The following GALNT14 variants were observed in gnomAD, a reference collection of about 807,000 sequenced individuals.
GALNT14 encodes the protein UDP-GalNAc:polypeptide N-acetylgalactosaminyltransferase 14.
In GALNT14, 60 loss-of-function variants were observed where a neutral mutation model predicts 77.5. The ratio of observed to expected loss-of-function variants is 0.77; its 90% CI spans 0.63 to 0.96. GALNT14 has a LOEUF of 0.96. Among genes scored for constraint, GALNT14 ranks in the 40% least tolerant of loss-of-function variants. The pLI is 0.00. For missense variants in GALNT14, 710 were observed against 731.0 expected (o/e 0.97, Z 0.33); for synonymous variants, 280 against 281.7 (o/e 0.99, Z 0.06).
chr2:31,015,142 G>A (rs1040370490), intron 1 of GALNT14, among the ~76,000 whole-genome samples: 4 of 151,792 alleles, frequency 2.6e-5, no homozygotes, highest in Admixed American at 6.6e-5. Flanking sequence ...ATACAAAAAC[G>A]TTAGCTGGGC....
the GALNT14 span, among the ~76,000 whole-genome samples, chr2:30,901,135 G>A: frequency 7.2e-5 from 11 of 152,282 alleles, no homozygotes; most frequent in Middle Eastern, 3.4e-3. Context: ...CCCCGGCAGA[G>A]GCAAAGGCAA....
intron 9 of GALNT14, among the ~76,000 whole-genome samples, chr2:30,935,250 C>T (rs1352651679): frequency 3.9e-5 from 6 of 152,274 alleles, no homozygotes; most frequent in South Asian, 2.1e-4. Context: ...TCTCCAACTC[C>T]GAAATTCATG....
In GALNT14 at chr2:31,112,141, G is replaced by A. The variant is rs184376902; in HGVS notation, c.129+25817C>T. On this transcript the variant is annotated intron_variant, in intron 1 of 14. Transcript: ENST00000349752. ...TGGTCACAGCTGTCTTTCTGCTCCTGCCCATGCAGCAGAAGTGTCTTCCAA... is the reference window on the plus strand; with the variant it reads ...TGGTCACAGCTGTCTTTCTGCTCCTACCCATGCAGCAGAAGTGTCTTCCAA... Among the ~76,000 whole-genome samples, 5 of 152,232 alleles carry A rather than the reference G, an allele frequency of 3.3e-5. No individual in the cohort carries two copies. In the East Asian group the frequency reaches 7.7e-4, roughly 24 times the overall value.
chr2:31,059,712 A>G (rs1674468813), intron 1 of GALNT14, among the ~76,000 whole-genome samples: 1 of 152,170 alleles, frequency 6.6e-6, no homozygotes, highest in Non-Finnish European at 1.5e-5. Context: ...ATTTAAAAAA[A>G]TTAAAAATAA....
At chr2:30,973,875 T>C (rs1460700510) in intron 2 of GALNT14, among the ~76,000 whole-genome samples, 2 of 152,240 alleles carry the variant, frequency 1.3e-5, no homozygotes, top group South Asian at 4.1e-4. Context: ...TGAGATTCGC[T>C]ATTCCATTAT....
chr2:31,000,097 A>G (rs1670274398), intron 1 of GALNT14, among the ~76,000 whole-genome samples: 1 of 152,168 alleles, frequency 6.6e-6, no homozygotes, highest in Admixed American at 6.5e-5. Flanking sequence ...CTAGGTAGTA[A>G]GCACACACTA....
chr2:30,901,672 T>C, the GALNT14 span, among the ~76,000 whole-genome samples: 5 of 152,116 alleles, frequency 3.3e-5, no homozygotes, highest in African/African-American at 1.2e-4. Context: ...TGTGTATGTA[T>C]ATATGTGTGT....
At position 31,049,333 on chromosome 2, in the gene GALNT14, G is replaced by C. The variant is rs114311602; in HGVS notation, c.130-56326C>G. ...ATTTTTGCTCAAGACTACCCAGAAAGAAGACCCGAGGCTCCTCAGCCATCT... is the reference window on the plus strand; with the variant it reads ...ATTTTTGCTCAAGACTACCCAGAAACAAGACCCGAGGCTCCTCAGCCATCT... On this transcript the variant is annotated intron_variant, in intron 1 of 14. Coordinates refer to ENST00000349752, the MANE Select transcript of GALNT14 (RefSeq NM_024572.4). 6.1e-3 allele frequency among the ~76,000 whole-genome samples: 924 copies of C among 152,296 alleles called. 9 individuals carry two copies. Among genetic ancestry groups the C allele is most frequent in the African/African-American group, 0.021 (867 of 41,566 alleles).
At chr2:31,088,655 G>C (rs998841348) in intron 1 of GALNT14, among the ~76,000 whole-genome samples, 5 of 152,204 alleles carry the variant, frequency 3.3e-5, no homozygotes, top group Non-Finnish European at 2.9e-5. Flanking sequence ...GTGGTTATTG[G>C]TTGTGCAGAA....
chr2:31,137,758 T>C (rs1451926978), intron 1 of GALNT14, among the ~76,000 whole-genome samples, 200 bp downstream of exon 1: 3 of 152,142 alleles, frequency 2.0e-5, no homozygotes, highest in Non-Finnish European at 2.9e-5. Context: ...CTGCCACTCA[T>C]GCACACCGCG....
rs577038449 is a variant in GALNT14 at position 30,921,459 on chromosome 2, C to A, written c.1380+2660G>T. Among the ~76,000 whole-genome samples the A allele has an allele frequency of 4.6e-5, 7 of 152,336 alleles. No homozygotes were observed. The South Asian group carries it at 1.5e-3, about 32-fold the overall frequency. On this transcript the variant is annotated intron_variant, in intron 13 of 14. Coordinates refer to ENST00000349752, the MANE Select transcript of GALNT14 (RefSeq NM_024572.4). Reference sequence around the variant, plus strand: ...CACGCCTTAAGCAAAATCAACACCTCAATTTCCTTTCCCTTTTCCTGTCTG... The same window carrying A: ...CACGCCTTAAGCAAAATCAACACCTAAATTTCCTTTCCCTTTTCCTGTCTG...
intron 1 of GALNT14, among the ~76,000 whole-genome samples, chr2:31,079,955 C>A (rs1676054820): frequency 6.6e-6 from 1 of 152,214 alleles, no homozygotes; most frequent in Admixed American, 6.5e-5. Context: ...AGCAGTCCTG[C>A]ATTTAGCCAG....
the GALNT14 span, among the ~76,000 whole-genome samples, chr2:30,904,632 G>C: frequency 6.6e-6 from 1 of 152,360 alleles, no homozygotes; most frequent in Non-Finnish European, 1.5e-5. Flanking sequence ...CGAGGCTGGG[G>C]GAGGGGCGCC....
chr2:31,124,470 G>A (rs183223187), intron 1 of GALNT14, among the ~76,000 whole-genome samples: 123 of 152,278 alleles, frequency 8.1e-4, no homozygotes, highest in African/African-American at 2.8e-3. Flanking sequence ...CCCTGATCAT[G>A]TCACCCTTGT....
chr2:31,049,711 G>C (rs931389127), intron 1 of GALNT14, among the ~76,000 whole-genome samples: 1 of 152,184 alleles, frequency 6.6e-6, no homozygotes, highest in Non-Finnish European at 1.5e-5. Flanking sequence ...GGAAGGAGGG[G>C]ACCCAACCAC....
chr2:31,114,795 G>T, intron 1 of GALNT14: 2 of 717,572 alleles, frequency 2.8e-6, no homozygotes, highest in Non-Finnish European at 5.2e-6. Context: ...TCTTGCAAGA[G>T]ACATGGGAAA....
At chr2:31,015,304 A>T (rs1190739126) in intron 1 of GALNT14, among the ~76,000 whole-genome samples, 1 of 151,696 alleles carries the variant, frequency 6.6e-6, no homozygotes, top group African/African-American at 2.4e-5. Flanking sequence ...AAGGAAAAAA[A>T]AAAAAAAAAA....
intron 9 of GALNT14, 102 bp downstream of exon 9, chr2:30,942,097 ACT>A (rs1222181890): frequency 5.5e-6 from 4 of 728,802 alleles, no homozygotes; most frequent in African/African-American, 1.8e-5. Flanking sequence ...AGCACGTGTC[ACT>A]CTCTGACAGC....
intron 1 of GALNT14, among the ~76,000 whole-genome samples, chr2:31,050,781 T>G (rs571550794): frequency 3.0e-4 from 46 of 151,896 alleles, no homozygotes; most frequent in Admixed American, 2.0e-3. Context: ...TTTGTTTTTT[T>G]TTTTTTTTCA....
Sources: gnomAD v4.1 joint callset for allele counts (sites outside exome capture counted in the v4.1 genomes callset) on GRCh38, gnomAD v4.1.1 for gene constraint, MANE v1.5 for transcripts, NCBI Gene and HGNC (gene_info 2026-07-23, HGNC 2026-07-21) for gene names.